SHPRH: variants seen among roughly 807,000 people sequenced by gnomAD.
SHPRH encodes the protein SNF2 histone linker PHD RING helicase.
SHPRH carries 106 observed loss-of-function variants against 202.5 expected under a neutral mutation model. The observed-to-expected ratio is 0.52, with a 90% CI of 0.45 to 0.62. The LOEUF is 0.62. Among genes scored for constraint, SHPRH ranks in the 20% least tolerant of loss-of-function variants. The pLI is 0.00. For missense variants in SHPRH, 1,710 were observed against 2,020.0 expected (o/e 0.85, Z 2.94); for synonymous variants, 729 against 686.0 (o/e 1.06, Z -0.98).
intron 1 of SHPRH, 56 bp downstream of exon 1, chr6:145,963,675 G>C (rs1158156298): frequency 6.6e-6 from 1 of 152,210 alleles, no homozygotes; most frequent in East Asian, 1.9e-4. Flanking sequence ...ACAAAGAAGG[G>C]AGGCGGCGAC....
chr6:145,922,924 G>T, intron 18 of SHPRH, 88 bp from the exon 19 acceptor site: 2 of 1,373,256 alleles, frequency 1.5e-6, no homozygotes, highest in Non-Finnish European at 1.9e-6. Flanking sequence ...GCCAAACAAA[G>T]TGTTAAAGAA....
chr6:145,940,140 G>A (rs2128776749), intron 11 of SHPRH, among the ~76,000 whole-genome samples: 1 of 152,108 alleles, frequency 6.6e-6, no homozygotes, highest in South Asian at 2.1e-4. Flanking sequence ...ATGCACGTGT[G>A]GAGAGGAGGA....
chr6:145,927,149 A>C (rs1784954809), intron 15 of SHPRH, 40 bp downstream of exon 15: 13 of 1,564,640 alleles, frequency 8.3e-6, no homozygotes, highest in Non-Finnish European at 9.7e-6. Flanking sequence ...TGTTAAAAAA[A>C]CAAACAGAAT....
At chr6:145,959,663 C>T (rs1331912901) in intron 1 of SHPRH, among the ~76,000 whole-genome samples, 3 of 152,234 alleles carry the variant, frequency 2.0e-5, no homozygotes, top group Non-Finnish European at 4.4e-5. Context: ...CGCTATGTGA[C>T]TAGTGGCTAC....
chr6:145,931,538 A>T lies in SHPRH; in HGVS notation c.3112+1519T>A, dbSNP rs142290200. ...CAGCTAGTAGAGACGGGGTTTCACC[A>T]TGTTGGCCAGGATGGTCTCCATCTC... On this transcript the variant is annotated intron_variant, in intron 14 of 29. Transcript: ENST00000275233. 6.0e-3 allele frequency among the ~76,000 whole-genome samples: 906 copies of T among 152,162 alleles called. 9 individuals carry two copies. Among genetic ancestry groups the T allele is most frequent in the Non-Finnish European group, 8.1e-3 (551 of 67,978 alleles).
intron 14 of SHPRH, among the ~76,000 whole-genome samples, chr6:145,932,566 C>G (rs2128764147): frequency 6.6e-6 from 1 of 152,130 alleles, no homozygotes; most frequent in South Asian, 2.1e-4. Context: ...AATTTAAGGT[C>G]TGCAAGATCA....
rs750986223 is a variant in SHPRH, at chr6:145,935,180, A to G, written c.2734-17T>C. 118 of 484,130 alleles carry G rather than the reference A, an allele frequency of 2.4e-4. 1 individual carries two copies. The highest frequency in any genetic ancestry group is 3.5e-4 in the South Asian group (10 of 28,814). The allele number at this position is 484,130 out of a possible 1,614,324, so 30.0% of individuals were successfully genotyped here. On this transcript the variant is annotated splice_polypyrimidine_tract_variant and intron_variant, in intron 12 of 29. Coordinates refer to ENST00000275233, the MANE Select transcript of SHPRH (RefSeq NM_001042683.3). ...TATTTGGATCTGTGAAAAGGAGCAG[A>G]AAAAAAAAAAAAGATATCATCTAAA...
intron 20 of SHPRH, among the ~76,000 whole-genome samples, 185 bp downstream of exon 20, chr6:145,922,101 T>G (rs1475373687): frequency 1.3e-5 from 2 of 152,000 alleles, no homozygotes; most frequent in Non-Finnish European, 2.9e-5. Flanking sequence ...ATTTAGGGGA[T>G]AACTTCTGGA....
At chr6:145,926,158 T>A in intron 16 of SHPRH, 46 bp downstream of exon 16, 2 of 1,524,172 alleles carry the variant, frequency 1.3e-6, no homozygotes, top group Non-Finnish European at 1.8e-6. Flanking sequence ...GAGCATAAAG[T>A]TTGAAGAAAA....
chr6:145,961,119 C>T (rs1035779899), intron 1 of SHPRH, among the ~76,000 whole-genome samples: 2 of 152,136 alleles, frequency 1.3e-5, no homozygotes, highest in African/African-American at 2.4e-5. Flanking sequence ...GGACTGGCAC[C>T]GGTCCATGGC....
rs988897558 is a variant in SHPRH, at chr6:145,941,216, T to A, written c.2490+407A>T. 1.1e-3 allele frequency among the ~76,000 whole-genome samples: 167 copies of A among 152,312 alleles called. 1 individual carries two copies. Among genetic ancestry groups the A allele is most frequent in the African/African-American group, 3.9e-3 (164 of 41,584 alleles). On this transcript the variant is annotated intron_variant, in intron 10 of 29. Coordinates refer to ENST00000275233, the MANE Select transcript of SHPRH (RefSeq NM_001042683.3). ...CAAAGGCTGAATCAAAATTCTGTCC[T>A]CTAAAGTAGTATTTTCTGTTACCAT... is the stretch of plus-strand genomic sequence containing the variant.
downstream of SHPRH, among the ~76,000 whole-genome samples, chr6:145,860,318 C>CAT (rs1779537950): frequency 6.6e-6 from 1 of 151,838 alleles, no homozygotes; most frequent in African/African-American, 2.4e-5. Flanking sequence ...TTACAGAACA[C>CAT]AAAATTAATA....
In SHPRH at chr6:145,874,619, T is replaced by C. The variant is rs920944074; in HGVS notation, c.222-10128A>G. Among the ~76,000 whole-genome samples, 16 of 152,324 alleles carry C rather than the reference T, an allele frequency of 1.1e-4. 1 individual carries two copies. Among genetic ancestry groups the C allele is most frequent in the East Asian group, 1.9e-4 (1 of 5,194 alleles). Reference sequence around the variant, plus strand: ...ACATCCATCACCTCATAGTTATCCATTTAGCAAATCCTTTACTAGGTGGCA... The same window carrying C: ...ACATCCATCACCTCATAGTTATCCACTTAGCAAATCCTTTACTAGGTGGCA... On this transcript the variant is annotated intron_variant, in intron 2 of 2. Transcript: ENST00000417762.
intron 14 of SHPRH, among the ~76,000 whole-genome samples, chr6:145,928,533 GAT>G (rs142273982): frequency 3.3e-5 from 5 of 150,042 alleles, no homozygotes; most frequent in South Asian, 2.1e-4. Flanking sequence ...GTTACAATGA[GAT>G]ATATATATAT....
chr6:145,927,201 A>C lies in SHPRH; in HGVS notation c.3189T>G (p.Thr1063=), dbSNP rs781292049. Reference sequence around the variant, plus strand: ...AGTCTTTACTTACTTGAAGTGAATCAGTTTTGAGTTTTCCTTTGTGTTCCT... The same window carrying C: ...AGTCTTTACTTACTTGAAGTGAATCCGTTTTGAGTTTTCCTTTGTGTTCCT... ...SSEEHKGKLK[T]DSLQRLHATH... is the part of the protein sequence containing the mutation. The change falls in exon 15 of 30, where the codon ACT becomes ACG. Residue 1063 remains threonine (T), a synonymous_variant. Transcript: ENST00000275233. The C allele has an allele frequency of 6.2e-7, 1 of 1,611,780 alleles. No individual in the cohort carries two copies. Among genetic ancestry groups the C allele is most frequent in the Non-Finnish European group, 8.5e-7 (1 of 1,178,612 alleles).
At chr6:145,932,988 A>AT in intron 14 of SHPRH, 69 bp downstream of exon 14, 3 of 1,510,744 alleles carry the variant, frequency 2.0e-6, no homozygotes, top group South Asian at 1.2e-5. Context: ...ATCAAAATCT[A>AT]TTTTTTCTAT....
At chr6:145,904,027 T>C (rs759067762) in intron 25 of SHPRH, 6 of 152,126 alleles carry the variant, frequency 3.9e-5, no homozygotes, top group Non-Finnish European at 8.8e-5. Flanking sequence ...ATCCCAGTAT[T>C]CATTTTATAT....
chr6:145,916,274 T>G (rs1332468761), intron 23 of SHPRH, among the ~76,000 whole-genome samples: 1 of 152,150 alleles, frequency 6.6e-6, no homozygotes, highest in Non-Finnish European at 1.5e-5. Flanking sequence ...TCCAAAAATC[T>G]GTAATCTAAA....
chr6:145,866,945 G>A (rs1319873563), intron 2 of SHPRH, among the ~76,000 whole-genome samples: 2 of 152,088 alleles, frequency 1.3e-5, no homozygotes, highest in Admixed American at 1.3e-4. Context: ...TTTCTGGTAT[G>A]CAAAAATCTT....
Sources: gnomAD v4.1 joint callset for allele counts (sites outside exome capture counted in the v4.1 genomes callset) on GRCh38, gnomAD v4.1.1 for gene constraint, MANE v1.5 for transcripts, NCBI Gene and HGNC (gene_info 2026-07-23, HGNC 2026-07-21) for gene names.